The following KIRREL3 variants were observed in gnomAD, a reference collection of about 807,000 sequenced individuals.
KIRREL3 encodes kin of IRRE-like protein 3.
KIRREL3 carries 36 observed loss-of-function variants against 89.7 expected under a neutral mutation model. The ratio of observed to expected loss-of-function variants is 0.40; its 90% CI spans 0.31 to 0.53. KIRREL3 has a LOEUF of 0.53. Ranked by LOEUF, KIRREL3 falls within the 20% of genes least tolerant of loss-of-function variation. The pLI is 0.49. For missense variants in KIRREL3, 864 were observed against 1,056.6 expected (o/e 0.82, Z 2.53); for synonymous variants, 445 against 441.4 (o/e 1.01, Z -0.10).
rs530176517 is a variant in KIRREL3 at position 126,570,513 on chromosome 11, G to T, written c.56-7601C>A. On this transcript the variant is annotated intron_variant, in intron 1 of 16. Transcript: ENST00000525144. This position sits in a 1 kb window ranked among gnomAD's most constrained non-coding sequence, Gnocchi z 6.1. ...TAATTCCAAAAACTTGTTGTGACCC[G>T]CCAGCCCATCTCACCAGCTCCAGCA... is the stretch of plus-strand genomic sequence containing the variant. Among the ~76,000 whole-genome samples, 2 of 152,132 alleles carry T rather than the reference G, an allele frequency of 1.3e-5. No homozygotes were observed. Among genetic ancestry groups the T allele is most frequent in the East Asian group, 3.8e-4 (2 of 5,200 alleles).
At position 126,610,031 on chromosome 11, in the gene KIRREL3, C is replaced by G. The variant is rs747680499; in HGVS notation, c.56-47119G>C. Among the ~76,000 whole-genome samples, 1 of 151,952 alleles carries G rather than the reference C, an allele frequency of 6.6e-6. No homozygotes were observed. Among genetic ancestry groups the G allele is most frequent in the African/African-American group, 2.4e-5 (1 of 41,350 alleles). On this transcript the variant is annotated intron_variant, in intron 1 of 16. Coordinates refer to ENST00000525144, the MANE Select transcript of KIRREL3 (RefSeq NM_032531.4). The surrounding 1 kb of genome is among the most constrained non-coding windows in gnomAD (Gnocchi z 4.6). The stretch of plus-strand genomic sequence containing the variant: ...CTCAGGGAGGTTAAGTAAATGAGGC[C>G]GAAGTCACACATTGTTTCAGTTACA...
intron 4 of KIRREL3, among the ~76,000 whole-genome samples, chr11:126,499,101 G>A (rs912214615): frequency 4.9e-5 from 7 of 143,848 alleles, no homozygotes; most frequent in Admixed American, 2.2e-4. Flanking sequence ...GCAGTGAGCC[G>A]AGATTGTGCC....
Position 126,903,631 on chromosome 11 carries a change from TG to T in KIRREL3, c.55+96823del, listed in dbSNP as rs1946459869. Among the ~76,000 whole-genome samples, 1 of 152,258 alleles carries T rather than the reference TG, an allele frequency of 6.6e-6. No individual in the cohort carries two copies. The highest frequency in any genetic ancestry group is 6.5e-5 in the Admixed American group (1 of 15,286). ...AACAAAAAAGCTGTAGCCTCTTTGCTGAGCTCCTGGAGACATTTGGTCTATT... is the reference window on the plus strand; with the variant it reads ...AACAAAAAAGCTGTAGCCTCTTTGCTAGCTCCTGGAGACATTTGGTCTATT... On this transcript the variant is annotated intron_variant, in intron 1 of 16. Coordinates refer to ENST00000525144, the MANE Select transcript of KIRREL3 (RefSeq NM_032531.4). The surrounding 1 kb of genome is among the most constrained non-coding windows in gnomAD (Gnocchi z 4.5).
chr11:126,842,472 A>G (rs1943997620), intron 1 of KIRREL3, among the ~76,000 whole-genome samples: 1 of 152,130 alleles, frequency 6.6e-6, no homozygotes, highest in African/African-American at 2.4e-5. Flanking sequence ...CCATAAGCAT[A>G]TATCCACTGC....
rs896658434 is a variant in KIRREL3, at chr11:126,528,542, A to G, written c.134-1855T>C. 6.6e-6 allele frequency among the ~76,000 whole-genome samples: 1 copy of G among 152,158 alleles called. No homozygotes were observed. Among genetic ancestry groups the G allele is most frequent in the South Asian group, 2.1e-4 (1 of 4,828 alleles). ...TCCGAGGAGTCTCATTAAAAATCAA[A>G]TTGGCCTTGAATTGTGGGAGTAACA... is the stretch of plus-strand genomic sequence containing the variant. On this transcript the variant is annotated intron_variant, in intron 2 of 16. Transcript: ENST00000525144. This position sits in a 1 kb window ranked among gnomAD's most constrained non-coding sequence, Gnocchi z 4.6.
chr11:126,932,951 C>A (rs533697585), intron 1 of KIRREL3, among the ~76,000 whole-genome samples: 1 of 152,278 alleles, frequency 6.6e-6, no homozygotes, highest in South Asian at 2.1e-4. Context: ...AGACACTTCG[C>A]TGGAGAGAAG....
intron 1 of KIRREL3, among the ~76,000 whole-genome samples, chr11:126,672,573 T>A (rs1254490789): frequency 6.6e-6 from 1 of 152,210 alleles, no homozygotes; most frequent in Non-Finnish European, 1.5e-5. Context: ...AGGAGAGGGT[T>A]GAATAGATGA....
At position 126,601,997 on chromosome 11, in the gene KIRREL3, C is replaced by A. The variant is rs1226226734; in HGVS notation, c.56-39085G>T. ...ACAGAGTCACAGAAGCTGACCGCTGCGAGGCAGGGGCTGCGGCCTTTTCCC... is the reference window on the plus strand; with the variant it reads ...ACAGAGTCACAGAAGCTGACCGCTGAGAGGCAGGGGCTGCGGCCTTTTCCC... On this transcript the variant is annotated intron_variant, in intron 1 of 16. Transcript: ENST00000525144. This position sits in a 1 kb window ranked among gnomAD's most constrained non-coding sequence, Gnocchi z 5.8. Among the ~76,000 whole-genome samples, 2 of 152,186 alleles carry A rather than the reference C, an allele frequency of 1.3e-5. No individual in the cohort carries two copies. Among genetic ancestry groups the A allele is most frequent in the African/African-American group, 4.8e-5 (2 of 41,452 alleles).
At position 126,537,908 on chromosome 11, in the gene KIRREL3, A is replaced by G. The variant is rs1384650970; in HGVS notation, c.134-11221T>C. Among the ~76,000 whole-genome samples the G allele has an allele frequency of 2.0e-5, 3 of 152,246 alleles. No homozygotes were observed. The highest frequency in any genetic ancestry group is 2.4e-5 in the African/African-American group (1 of 41,468). ...CCTGTCTTGCGGAGTCCCAGAGCTG[A>G]GAACGGAGGCTTTGCAAATCTGAAG... On this transcript the variant is annotated intron_variant, in intron 2 of 16. Coordinates refer to ENST00000525144, the MANE Select transcript of KIRREL3 (RefSeq NM_032531.4). The surrounding 1 kb of genome is among the most constrained non-coding windows in gnomAD (Gnocchi z 4.3).
intron 1 of KIRREL3, among the ~76,000 whole-genome samples, chr11:126,701,600 C>A (rs140626910): frequency 4.3e-4 from 66 of 152,144 alleles, no homozygotes; most frequent in African/African-American, 1.4e-3. Flanking sequence ...TGCTTAGAAA[C>A]TCTCATGGCA....
At position 126,612,168 on chromosome 11, in the gene KIRREL3, A is replaced by G. The variant is rs1943159359; in HGVS notation, c.56-49256T>C. 2.0e-5 allele frequency among the ~76,000 whole-genome samples: 3 copies of G among 152,200 alleles called. No individual in the cohort carries two copies. Among genetic ancestry groups the G allele is most frequent in the Admixed American group, 6.5e-5 (1 of 15,280 alleles). On this transcript the variant is annotated intron_variant, in intron 1 of 16. Coordinates refer to ENST00000525144, the MANE Select transcript of KIRREL3 (RefSeq NM_032531.4). The surrounding 1 kb of genome is among the most constrained non-coding windows in gnomAD (Gnocchi z 4.5). Reference sequence around the variant, plus strand: ...GTCTATTTGTTCACTACAGTATTATATGAACACCCCTGGCATATAATAAGT... The same window carrying G: ...GTCTATTTGTTCACTACAGTATTATGTGAACACCCCTGGCATATAATAAGT...
At chr11:126,966,270 A>G (rs943778180) in intron 1 of KIRREL3, among the ~76,000 whole-genome samples, 8 of 152,204 alleles carry the variant, frequency 5.3e-5, no homozygotes, top group Non-Finnish European at 1.2e-4. Context: ...ATATTTAATA[A>G]TGTAAAAGGA....
At position 126,794,269 on chromosome 11, in the gene KIRREL3, T is replaced by C. The variant is rs1348920844; in HGVS notation, c.55+206186A>G. Among the ~76,000 whole-genome samples, 5 of 152,222 alleles carry C rather than the reference T, an allele frequency of 3.3e-5. No homozygotes were observed. In the East Asian group the frequency reaches 9.6e-4, roughly 29 times the overall value. ...TACCTTGTCTATCTCCTGGATAATT[T>C]AGTACTCATAGATCATGCCAGCCTG... On this transcript the variant is annotated intron_variant, in intron 1 of 16. Transcript: ENST00000525144.
In KIRREL3 at chr11:126,516,427, A is replaced by G. The variant is rs1384085515; in HGVS notation, c.433+4888T>C. 6.6e-6 allele frequency among the ~76,000 whole-genome samples: 1 copy of G among 151,838 alleles called. No individual in the cohort carries two copies. Among genetic ancestry groups the G allele is most frequent in the Non-Finnish European group, 1.5e-5 (1 of 67,956 alleles). The stretch of plus-strand genomic sequence containing the variant: ...TTTCCTTTCCGTAGCATTTATTACC[A>G]CCTCACATCCTGTACAGCAATGCAA... On this transcript the variant is annotated intron_variant, in intron 4 of 16. Coordinates refer to ENST00000525144, the MANE Select transcript of KIRREL3 (RefSeq NM_032531.4). This position sits in a 1 kb window ranked among gnomAD's most constrained non-coding sequence, Gnocchi z 4.9.
chr11:126,499,074 C>T (rs1411072467), intron 4 of KIRREL3, among the ~76,000 whole-genome samples: 1 of 147,406 alleles, frequency 6.8e-6, no homozygotes, highest in African/African-American at 2.5e-5. Context: ...ATCACCTGAA[C>T]CTGGGAGACG....
intron 1 of KIRREL3, among the ~76,000 whole-genome samples, chr11:126,846,682 A>G (rs61905735): frequency 2.6e-5 from 4 of 152,316 alleles, no homozygotes; most frequent in South Asian, 4.1e-4. Flanking sequence ...AAAACAGACA[A>G]ACAAAAAAAA....
At chr11:126,919,112 A>C (rs2134961963) in intron 1 of KIRREL3, among the ~76,000 whole-genome samples, 1 of 152,190 alleles carries the variant, frequency 6.6e-6, no homozygotes, top group East Asian at 1.9e-4. Context: ...TTAGGTTTTC[A>C]TACCTTTCAA....
Position 126,989,230 on chromosome 11 carries a change from C to T in KIRREL3, c.55+11225G>A, listed in dbSNP as rs1004781054. ...AAAGTTTTCTTTTCTACAAGAGATG[C>T]TGAAGAAGTCACCTGGAATTTGCTA... On this transcript the variant is annotated intron_variant, in intron 1 of 16. Transcript: ENST00000525144. This position sits in a 1 kb window ranked among gnomAD's most constrained non-coding sequence, Gnocchi z 6.2. Among the ~76,000 whole-genome samples, 2 of 152,146 alleles carry T rather than the reference C, an allele frequency of 1.3e-5. No homozygotes were observed. The highest frequency in any genetic ancestry group is 2.4e-5 in the African/African-American group (1 of 41,420).
Position 126,685,778 on chromosome 11 carries a change from T to C in KIRREL3, c.56-122866A>G, listed in dbSNP as rs1946641054. On this transcript the variant is annotated intron_variant, in intron 1 of 16. Coordinates refer to ENST00000525144, the MANE Select transcript of KIRREL3 (RefSeq NM_032531.4). This position sits in a 1 kb window ranked among gnomAD's most constrained non-coding sequence, Gnocchi z 5.5. ...CGGCAGCATCTTGGCCATTCAGAGC[T>C]GTTGCCCTCACAGCATTCAGTGATG... Among the ~76,000 whole-genome samples, 1 of 152,254 alleles carries C rather than the reference T, an allele frequency of 6.6e-6. No individual in the cohort carries two copies. Among genetic ancestry groups the C allele is most frequent in the African/African-American group, 2.4e-5 (1 of 41,478 alleles).
Sources: allele counts gnomAD v4.1 joint callset (sites outside exome capture counted in the v4.1 genomes callset), GRCh38; gene constraint gnomAD v4.1.1; non-coding constraint Gnocchi (gnomAD v3.1); transcripts MANE v1.5; gene names NCBI Gene and HGNC (gene_info 2026-07-23, HGNC 2026-07-21).